RNF217: variants seen among roughly 807,000 people sequenced by gnomAD.
The protein encoded by RNF217 is E3 ubiquitin-protein ligase RNF217.
RNF217 carries 31 observed loss-of-function variants against 57.8 expected under a neutral mutation model. The ratio of observed to expected loss-of-function variants is 0.54; its 90% CI spans 0.40 to 0.72. The LOEUF (loss-of-function observed/expected upper bound fraction) is 0.72. RNF217 is among the 30% of genes least tolerant of loss of function. The probability of loss-of-function intolerance (pLI) is 0.00; values close to 1 mark genes in which losing one functional copy is unlikely to be tolerated. For synonymous variants in RNF217, 313 were observed against 294.0 expected, an observed-to-expected ratio of 1.06 and a Z score of -0.66; for missense variants, 696 against 708.3, an observed-to-expected ratio of 0.98 and a Z score of 0.20.
At chr6:125,021,777 T>C (rs1324805366) in intron 1 of RNF217, among the ~76,000 whole-genome samples, 1 of 152,190 alleles carries the variant, frequency 6.6e-6, no homozygotes, top group Non-Finnish European at 1.5e-5. Flanking sequence ...ACAGGTGACC[T>C]TACTTTCCCT....
chr6:124,993,566 G>C (rs771102814), intron 1 of RNF217, among the ~76,000 whole-genome samples: 1 of 152,138 alleles, frequency 6.6e-6, no homozygotes, highest in Non-Finnish European at 1.5e-5. Flanking sequence ...GCAGTGCAAA[G>C]GTGAACCTGA....
At chr6:124,971,454 T>TG (rs1554280316) in intron 1 of RNF217, 46 of 329,062 alleles carry the variant, frequency 1.4e-4, no homozygotes, top group African/African-American at 8.5e-4. Context: ...TTAAGTTTTT[T>TG]TTTGTTTGTT....
chr6:124,964,696 CTG>C (rs1783465033), intron 1 of RNF217, among the ~76,000 whole-genome samples: 1 of 152,200 alleles, frequency 6.6e-6, no homozygotes, highest in South Asian at 2.1e-4. Flanking sequence ...CTCTGAGAGA[CTG>C]TTGTTTCTTT....
At chr6:125,014,556 A>C (rs1785534899) in intron 1 of RNF217, among the ~76,000 whole-genome samples, 1 of 152,200 alleles carries the variant, frequency 6.6e-6, no homozygotes, top group Admixed American at 6.5e-5. Context: ...TGATGATTGC[A>C]TCATCTCACT....
chr6:124,988,908 C>T (rs961353532), intron 1 of RNF217, among the ~76,000 whole-genome samples: 1 of 152,144 alleles, frequency 6.6e-6, no homozygotes, highest in Non-Finnish European at 1.5e-5. Context: ...CCAAGGAAAA[C>T]AACTTGAAAT....
At chr6:125,064,300 G>T (rs1787857267) in intron 3 of RNF217, among the ~76,000 whole-genome samples, 1 of 152,054 alleles carries the variant, frequency 6.6e-6, no homozygotes. Flanking sequence ...GGTTATCATT[G>T]GCACTGTTTT....
rs186415339 is a variant in RNF217, at chr6:125,068,686, A to T, written c.1282-7971A>T. 5.3e-5 allele frequency among the ~76,000 whole-genome samples: 8 copies of T among 152,358 alleles called. No homozygotes were observed. The East Asian group carries it at 1.5e-3, about 29-fold the overall frequency. ...ATACATGTATAAGCTCTTTAAAGGCAGGAGCCCTGTCAGATTTTATCAATG... is the reference window on the plus strand; with the variant it reads ...ATACATGTATAAGCTCTTTAAAGGCTGGAGCCCTGTCAGATTTTATCAATG... On this transcript the variant is annotated intron_variant, in intron 3 of 5. Coordinates refer to ENST00000521654, the MANE Select transcript of RNF217 (RefSeq NM_001286398.3).
intron 1 of RNF217, among the ~76,000 whole-genome samples, chr6:124,996,935 A>G (rs1304984474): frequency 6.6e-5 from 10 of 152,186 alleles, no homozygotes; most frequent in Admixed American, 6.5e-4. Flanking sequence ...TTTTCTTTAA[A>G]TCATCTTAAT....
intron 1 of RNF217, among the ~76,000 whole-genome samples, chr6:124,989,001 A>G (rs551514303): frequency 6.6e-6 from 1 of 152,042 alleles, no homozygotes; most frequent in Non-Finnish European, 1.5e-5. Flanking sequence ...CAAAATGCTA[A>G]TAGTCTTAAA....
chr6:125,027,667 C>A (rs1433461477), intron 1 of RNF217, among the ~76,000 whole-genome samples: 10 of 152,130 alleles, frequency 6.6e-5, no homozygotes, highest in Non-Finnish European at 1.3e-4. Flanking sequence ...TGGGTATATA[C>A]CCAGCAGTGG....
intron 1 of RNF217, among the ~76,000 whole-genome samples, chr6:125,039,334 A>T (rs983835331): frequency 2.0e-5 from 3 of 152,160 alleles, no homozygotes; most frequent in African/African-American, 7.2e-5. Flanking sequence ...AAACCAACAA[A>T]GATCAAAAAA....
chr6:125,054,435 T>G (rs1165940456), intron 2 of RNF217, among the ~76,000 whole-genome samples: 1 of 152,202 alleles, frequency 6.6e-6, no homozygotes, highest in Non-Finnish European at 1.5e-5. Flanking sequence ...AGAGCCCTTC[T>G]GTCATCTCAC....
intron 1 of RNF217, among the ~76,000 whole-genome samples, chr6:125,037,064 A>T (rs1276301597): frequency 6.7e-6 from 1 of 150,314 alleles, no homozygotes; most frequent in Admixed American, 6.6e-5. Context: ...TTAAACCAAC[A>T]GCACAATTTA....
At chr6:124,978,942 A>G (rs550517740) in intron 1 of RNF217, among the ~76,000 whole-genome samples, 1 of 152,124 alleles carries the variant, frequency 6.6e-6, no homozygotes, top group Non-Finnish European at 1.5e-5. Flanking sequence ...CAAGGTTTTT[A>G]TGGGCTTGGA....
chr6:125,008,555 A>C (rs1424226236), intron 1 of RNF217, among the ~76,000 whole-genome samples: 1 of 152,116 alleles, frequency 6.6e-6, no homozygotes, highest in Non-Finnish European at 1.5e-5. Context: ...TTCTCCACCC[A>C]GTCAAGCTGA....
chr6:125,072,356 A>G (rs918069122), intron 3 of RNF217, among the ~76,000 whole-genome samples: 2 of 152,206 alleles, frequency 1.3e-5, no homozygotes, highest in African/African-American at 4.8e-5. Context: ...AAAATACTCA[A>G]ATTAATCTAT....
chr6:125,034,837 T>C lies in RNF217; in HGVS notation c.883-10374T>C, dbSNP rs1342541571. On this transcript the variant is annotated intron_variant, in intron 1 of 5. Coordinates refer to ENST00000521654, the MANE Select transcript of RNF217 (RefSeq NM_001286398.3). The stretch of plus-strand genomic sequence containing the variant: ...ATTCTTCCTACCCATGAGCATGGAA[T>C]GTTCTTCCATTTGTTTGTATCCTCT... Among the ~76,000 whole-genome samples the C allele has an allele frequency of 3.3e-5, 5 of 152,224 alleles. No individual in the cohort carries two copies. The East Asian group carries it at 7.7e-4, about 24-fold the overall frequency.
chr6:124,981,785 G>A (rs1206092658), intron 1 of RNF217, among the ~76,000 whole-genome samples: 2 of 151,652 alleles, frequency 1.3e-5, no homozygotes. Context: ...TTGGGAGGCC[G>A]AGGCAGGCAG....
At chr6:124,992,191 A>G (rs1784585838) in intron 1 of RNF217, among the ~76,000 whole-genome samples, 1 of 152,184 alleles carries the variant, frequency 6.6e-6, no homozygotes, top group South Asian at 2.1e-4. Context: ...AGAATGCTCT[A>G]AAATATTAAG....
Sources: gnomAD v4.1 joint callset for allele counts (sites outside exome capture counted in the v4.1 genomes callset) on GRCh38, gnomAD v4.1.1 for gene constraint, MANE v1.5 for transcripts, NCBI Gene and HGNC (gene_info 2026-07-23, HGNC 2026-07-21) for gene names.